The following REDIC1 variants were observed in gnomAD, a reference collection of about 807,000 sequenced individuals.
The protein encoded by REDIC1 is HEI10 Interacting Protein 1.
the REDIC1 span, among the ~76,000 whole-genome samples, chr12:39,735,058 A>G: frequency 2.6e-5 from 4 of 152,214 alleles, no homozygotes; most frequent in Non-Finnish European, 4.4e-5. Context: ...CATGAAAGTT[A>G]TTTTAAGCCA....
At chr12:39,712,834 CATATACACGTATATACACATATGT>C in the REDIC1 span, among the ~76,000 whole-genome samples, 2 of 132,200 alleles carry the variant, frequency 1.5e-5, no homozygotes, top group African/African-American at 2.6e-5. Flanking sequence ...TATGTATATA[CATATACACGTATATACACATATGT>C]ATATACACGT....
chr12:39,755,332 T>C, the REDIC1 span: 1 of 152,072 alleles, frequency 6.6e-6, no homozygotes, highest in African/African-American at 2.4e-5. Flanking sequence ...AAATACTATA[T>C]AACATGCACT....
the REDIC1 span, among the ~76,000 whole-genome samples, chr12:39,690,494 A>T: frequency 6.6e-6 from 1 of 152,232 alleles, no homozygotes; most frequent in Non-Finnish European, 1.5e-5. Context: ...GCAATTCTAT[A>T]TACAGTGTTA....
the REDIC1 span, among the ~76,000 whole-genome samples, chr12:39,709,655 T>C: frequency 6.6e-6 from 1 of 151,818 alleles, no homozygotes; most frequent in Admixed American, 6.6e-5. Context: ...ATCCACTTTG[T>C]AGTATGTAAC....
At chr12:39,796,433 A>C in the REDIC1 span, among the ~76,000 whole-genome samples, 1 of 151,764 alleles carries the variant, frequency 6.6e-6, no homozygotes, top group Non-Finnish European at 1.5e-5. Context: ...AAAAAAAAAA[A>C]AAAAAAAAAA....
At chr12:39,846,736 G>C in the REDIC1 span, among the ~76,000 whole-genome samples, 94 of 152,270 alleles carry the variant, frequency 6.2e-4, no homozygotes, top group African/African-American at 2.1e-3. Context: ...ATAGGCATGA[G>C]CCACAATGCC....
chr12:39,863,231 G>C, the REDIC1 span, among the ~76,000 whole-genome samples: 2 of 152,030 alleles, frequency 1.3e-5, no homozygotes, highest in African/African-American at 4.8e-5. Context: ...ACATCATAAG[G>C]ATTAACAGAC....
chr12:39,706,519 C>T, the REDIC1 span, among the ~76,000 whole-genome samples: 3 of 151,904 alleles, frequency 2.0e-5, no homozygotes, highest in Admixed American at 2.0e-4. Flanking sequence ...GCAAAACAAA[C>T]AAAACTGAAG....
At chr12:39,855,116 A>G in the REDIC1 span, among the ~76,000 whole-genome samples, 5 of 152,218 alleles carry the variant, frequency 3.3e-5, no homozygotes, top group Admixed American at 6.5e-5. Flanking sequence ...AAATCTCCAA[A>G]TACCATTTAC....
At chr12:39,871,090 A>C in the REDIC1 span, among the ~76,000 whole-genome samples, 5 of 152,224 alleles carry the variant, frequency 3.3e-5, no homozygotes, top group Admixed American at 1.3e-4. Context: ...GAAAAAAATT[A>C]GAAAATTATA....
the REDIC1 span, among the ~76,000 whole-genome samples, chr12:39,832,545 C>T: frequency 6.6e-6 from 1 of 152,016 alleles, no homozygotes; most frequent in Admixed American, 6.6e-5. Context: ...GTGACCCCAA[C>T]TTCCCACTTT....
chr12:39,903,406 TA>T, the REDIC1 span, among the ~76,000 whole-genome samples: 1 of 152,094 alleles, frequency 6.6e-6, no homozygotes, highest in African/African-American at 2.4e-5. Context: ...TCTTACTTGA[TA>T]GGGGTAATGG....
chr12:39,758,568 T>C, the REDIC1 span: 20,351 of 151,948 alleles, frequency 0.13, 1,639 homozygotes, highest in East Asian at 0.39. Flanking sequence ...GTACATACTA[T>C]ATAGTTCTTA....
the REDIC1 span, among the ~76,000 whole-genome samples, chr12:39,857,563 C>A: frequency 6.6e-6 from 1 of 152,190 alleles, no homozygotes; most frequent in Non-Finnish European, 1.5e-5. Flanking sequence ...TTTCTCCCTT[C>A]ATCACCATTT....
At chr12:39,896,192 A>C in the REDIC1 span, among the ~76,000 whole-genome samples, 3 of 147,646 alleles carry the variant, frequency 2.0e-5, no homozygotes, top group Non-Finnish European at 4.5e-5. Flanking sequence ...ATATGTATAT[A>C]TGTGTATGTA....
chr12:39,766,015 T>C, the REDIC1 span, among the ~76,000 whole-genome samples: 2 of 152,126 alleles, frequency 1.3e-5, no homozygotes, highest in East Asian at 3.9e-4. Context: ...ATTGGCCTCA[T>C]AGTTCCTTAT....
chr12:39,900,499 AC>A, the REDIC1 span, among the ~76,000 whole-genome samples: 1 of 152,132 alleles, frequency 6.6e-6, no homozygotes, highest in African/African-American at 2.4e-5. Flanking sequence ...GTCTCAGGAT[AC>A]AAAATCAATG....
chr12:39,662,030 T>C, the REDIC1 span, among the ~76,000 whole-genome samples: 1 of 152,104 alleles, frequency 6.6e-6, no homozygotes, highest in South Asian at 2.1e-4. Context: ...ATCAATATCA[T>C]GCTGTTTGGT....
At chr12:39,869,203 A>T in the REDIC1 span, among the ~76,000 whole-genome samples, 1 of 152,212 alleles carries the variant, frequency 6.6e-6, no homozygotes, top group Non-Finnish European at 1.5e-5. Flanking sequence ...GTGAAAGAAA[A>T]ATCAATTGTG....
Sources: allele counts gnomAD v4.1 joint callset (sites outside exome capture counted in the v4.1 genomes callset), GRCh38; gene constraint gnomAD v4.1.1; transcripts MANE v1.5; gene names NCBI Gene and HGNC (gene_info 2026-07-23, HGNC 2026-07-21).